BLTP1: variants seen among roughly 807,000 people sequenced by gnomAD.
The protein encoded by BLTP1 is bridge-like lipid transfer protein family member 1, also known as fragile site-associated protein.
chr4:122,201,034 G>A, the BLTP1 span: 26 of 1,612,902 alleles, frequency 1.6e-5, no homozygotes, highest in Middle Eastern at 1.6e-4. Context: ...AGCTACCCCC[G>A]AATATGGAAC....
chr4:122,201,270 G>A, the BLTP1 span: 17 of 686,512 alleles, frequency 2.5e-5, no homozygotes, highest in Admixed American at 7.1e-5. Flanking sequence ...AAATGTTAAA[G>A]AGAAAATTTA....
At chr4:122,268,698 A>C in the BLTP1 span, among the ~76,000 whole-genome samples, 2 of 152,142 alleles carry the variant, frequency 1.3e-5, no homozygotes, top group African/African-American at 2.4e-5. Flanking sequence ...TTTGTTGTCC[A>C]ATTCCCTCAT....
chr4:122,175,641 A>C, the BLTP1 span, among the ~76,000 whole-genome samples: 2 of 152,284 alleles, frequency 1.3e-5, no homozygotes, highest in African/African-American at 4.8e-5. Context: ...TAGCTATGCA[A>C]AGTCTCTTCC....
the BLTP1 span, chr4:122,324,339 T>C: frequency 2.2e-6 from 3 of 1,336,734 alleles, no homozygotes; most frequent in South Asian, 1.6e-5. Flanking sequence ...AAACAACTTA[T>C]TTAATAGTAG....
chr4:122,280,003 C>T, the BLTP1 span: 1 of 1,613,328 alleles, frequency 6.2e-7, no homozygotes, highest in African/African-American at 1.3e-5. Flanking sequence ...TATTTGTTCA[C>T]ATTCTGTGAT....
At chr4:122,296,901 C>T in the BLTP1 span, among the ~76,000 whole-genome samples, 1 of 152,114 alleles carries the variant, frequency 6.6e-6, no homozygotes, top group African/African-American at 2.4e-5. Context: ...CTTCTTTACA[C>T]CTTATACAAA....
chr4:122,190,538 CTG>C, the BLTP1 span: 2 of 739,342 alleles, frequency 2.7e-6, no homozygotes, highest in Non-Finnish European at 3.3e-6. Flanking sequence ...TGAAAAATAT[CTG>C]TGTCATTTCT....
At chr4:122,230,705 T>C in the BLTP1 span, among the ~76,000 whole-genome samples, 1 of 152,186 alleles carries the variant, frequency 6.6e-6, no homozygotes, top group African/African-American at 2.4e-5. Flanking sequence ...ATTTAAAAAG[T>C]TGCCAGCACC....
At chr4:122,346,396 A>G in the BLTP1 span, 1 of 911,136 alleles carries the variant, frequency 1.1e-6, no homozygotes, top group Non-Finnish European at 1.3e-6. Flanking sequence ...TGAGGATTTC[A>G]TGATAAAGTG....
chr4:122,350,201 C>G, the BLTP1 span: 17 of 1,438,368 alleles, frequency 1.2e-5, no homozygotes, highest in South Asian at 2.6e-4. Flanking sequence ...TTATCTCACT[C>G]AGTTAGCAAA....
the BLTP1 span, among the ~76,000 whole-genome samples, chr4:122,201,659 A>C: frequency 1.3e-5 from 2 of 152,222 alleles, no homozygotes; most frequent in African/African-American, 4.8e-5. Flanking sequence ...CTATAAGAAC[A>C]CATATTGTTG....
the BLTP1 span, chr4:122,210,065 G>T: frequency 7.5e-7 from 1 of 1,333,614 alleles, no homozygotes; most frequent in South Asian, 1.7e-5. Context: ...TAGATTAATT[G>T]TAGCTACCTT....
chr4:122,345,045 G>C, the BLTP1 span: 1 of 983,866 alleles, frequency 1.0e-6, no homozygotes, highest in South Asian at 4.7e-5. Context: ...AATGCAAATA[G>C]ACATTCTGAA....
the BLTP1 span, chr4:122,289,409 C>T: frequency 1.3e-6 from 1 of 763,676 alleles, no homozygotes; most frequent in Non-Finnish European, 1.6e-6. Flanking sequence ...GATTCATAAA[C>T]TTCAGAAAGC....
chr4:122,335,348 G>T, the BLTP1 span, among the ~76,000 whole-genome samples: 1 of 152,006 alleles, frequency 6.6e-6, no homozygotes, highest in African/African-American at 2.4e-5. Flanking sequence ...CTACACAAGG[G>T]CATGAATACC....
At chr4:122,347,839 T>C in the BLTP1 span, 2 of 1,230,292 alleles carry the variant, frequency 1.6e-6, no homozygotes, top group Non-Finnish European at 1.1e-6. Flanking sequence ...AAATCTTAGT[T>C]ACTCTCAGAT....
At chr4:122,279,549 G>A in the BLTP1 span, among the ~76,000 whole-genome samples, 1 of 151,914 alleles carries the variant, frequency 6.6e-6, no homozygotes, top group African/African-American at 2.4e-5. Context: ...ATCCTTCTTG[G>A]TACTTTAAAG....
chr4:122,201,108 C>G, the BLTP1 span: 1 of 1,611,098 alleles, frequency 6.2e-7, no homozygotes, highest in South Asian at 1.1e-5. Context: ...CATCTTTGCA[C>G]AGAAAAACTT....
the BLTP1 span, among the ~76,000 whole-genome samples, chr4:122,267,895 ATTGT>A: frequency 6.6e-6 from 1 of 152,146 alleles, no homozygotes; most frequent in African/African-American, 2.4e-5. Context: ...TTTCTGTAGT[ATTGT>A]TTCTTTCATC....
Sources: allele counts gnomAD v4.1 joint callset (sites outside exome capture counted in the v4.1 genomes callset), GRCh38; gene constraint gnomAD v4.1.1; transcripts MANE v1.5; gene names NCBI Gene and HGNC (gene_info 2026-07-23, HGNC 2026-07-21).